Variants in NTN1 observed in about 807,000 individuals in gnomAD.
NTN1 encodes netrin 1.
A neutral mutation model predicts 54.2 loss-of-function variants in NTN1; 11 were observed. The ratio of observed to expected loss-of-function variants is 0.20; its 90% CI spans 0.13 to 0.34. The LOEUF (loss-of-function observed/expected upper bound fraction) is 0.34, where lower values mean the gene tolerates loss of function less well. Ranked by LOEUF, NTN1 falls within the 10% of genes least tolerant of loss-of-function variation. The pLI, the probability that NTN1 is intolerant of heterozygous loss-of-function variation, is 1.00. For missense variants in NTN1, 740 were observed against 893.1 expected, an observed-to-expected ratio of 0.83 and a Z score of 2.18; for synonymous variants, 371 against 382.0, an observed-to-expected ratio of 0.97 and a Z score of 0.33.
chr17:9,048,962 G>T (rs772462343), intron 2 of NTN1, among the ~76,000 whole-genome samples: 2 of 152,130 alleles, frequency 1.3e-5, no homozygotes, highest in Admixed American at 6.6e-5. Flanking sequence ...GGCGGAAAAT[G>T]CTTCTTAAAA....
At chr17:9,114,162 A>ATATATATATATATAT (rs1180136945) in intron 2 of NTN1, among the ~76,000 whole-genome samples, 38 of 84,216 alleles carry the variant, frequency 4.5e-4, no homozygotes, top group Non-Finnish European at 6.8e-4. Flanking sequence ...AGAAAAAAAA[A>ATATATATATATATAT]AAAAATATAT....
chr17:9,233,075 G>A (rs894179447), intron 6 of NTN1, among the ~76,000 whole-genome samples: 8 of 152,054 alleles, frequency 5.3e-5, no homozygotes, highest in Non-Finnish European at 1.0e-4. Flanking sequence ...GCTGTGTAGG[G>A]GAGGGGAGAG....
chr17:9,106,214 C>T (rs539131380), intron 2 of NTN1, among the ~76,000 whole-genome samples: 27 of 152,308 alleles, frequency 1.8e-4, no homozygotes, highest in African/African-American at 5.5e-4. Flanking sequence ...ACTGCCTCAC[C>T]TGCCTTGCGG....
At chr17:9,065,393 T>A (rs1487766534) in intron 2 of NTN1, among the ~76,000 whole-genome samples, 1 of 152,190 alleles carries the variant, frequency 6.6e-6, no homozygotes, top group Admixed American at 6.5e-5. Flanking sequence ...TTCTTCCCAC[T>A]CTTCTGTCTG....
intron 2 of NTN1, among the ~76,000 whole-genome samples, chr17:9,127,071 C>CGGGGGGGGGGG (rs5819215): frequency 1.2e-5 from 1 of 81,894 alleles, no homozygotes; most frequent in Non-Finnish European, 2.5e-5. Flanking sequence ...GTGGTAGGGC[C>CGGGGGGGGGGG]GGGGGGGGGC....
At position 9,240,502 on chromosome 17, in the gene NTN1, C is replaced by T. The variant is rs762323875; in HGVS notation, c.*534C>T. On this transcript the variant is annotated 3_prime_UTR_variant, in exon 7 of 7. Transcript: ENST00000173229. The stretch of plus-strand genomic sequence containing the variant: ...CGGGATCCCCCCCTTTCTCCCCGGC[C>T]CCTTCTAGCAGTTCCCCGCGGGCCA... 6.6e-6 allele frequency: 1 copy of T among 152,364 alleles called. No individual in the cohort carries two copies. Among genetic ancestry groups the T allele is most frequent in the Non-Finnish European group, 1.5e-5 (1 of 68,138 alleles). 9.4% of individuals were successfully genotyped at this position (152,364 alleles called of 1,614,324 possible).
At chr17:9,084,521 G>T (rs1444366230) in intron 2 of NTN1, among the ~76,000 whole-genome samples, 13 of 152,106 alleles carry the variant, frequency 8.5e-5, no homozygotes, top group Admixed American at 8.5e-4. Context: ...TTTCCATCTG[G>T]GGGGCAACAC....
intron 2 of NTN1, among the ~76,000 whole-genome samples, chr17:9,132,371 A>C (rs2092268458): frequency 6.6e-6 from 1 of 152,108 alleles, no homozygotes; most frequent in Non-Finnish European, 1.5e-5. Flanking sequence ...TATGCATCTC[A>C]CACTAGCTTT....
At chr17:9,070,235 G>A (rs10852910) in intron 2 of NTN1, among the ~76,000 whole-genome samples, 33,755 of 152,112 alleles carry the variant, frequency 0.22, 4,754 homozygotes, top group East Asian at 0.45. Flanking sequence ...TGTTAAATGA[G>A]TTAATTCAGG....
chr17:9,052,869 C>T (rs1481213167), intron 2 of NTN1, among the ~76,000 whole-genome samples: 2 of 152,234 alleles, frequency 1.3e-5, no homozygotes, highest in South Asian at 2.1e-4. Context: ...ACAGAGCCCC[C>T]GGGCAGAGGG....
intron 2 of NTN1, among the ~76,000 whole-genome samples, chr17:9,152,720 C>T (rs1441728717): frequency 6.6e-6 from 1 of 152,230 alleles, no homozygotes; most frequent in Admixed American, 6.5e-5. Context: ...CCCTACCCTG[C>T]AGGAGTTTGG....
chr17:9,045,810 T>C (rs2091939802), intron 2 of NTN1, among the ~76,000 whole-genome samples: 1 of 152,014 alleles, frequency 6.6e-6, no homozygotes, highest in African/African-American at 2.4e-5. Context: ...TCTGGAAAGA[T>C]TGGTCAAGAA....
At chr17:9,146,731 C>T (rs1050625955) in intron 2 of NTN1, among the ~76,000 whole-genome samples, 4 of 152,158 alleles carry the variant, frequency 2.6e-5, no homozygotes, top group African/African-American at 9.7e-5. Flanking sequence ...GCTATTGGCT[C>T]TCAAAACAAT....
intron 2 of NTN1, among the ~76,000 whole-genome samples, chr17:9,118,857 T>C (rs2092223441): frequency 6.6e-6 from 1 of 152,384 alleles, no homozygotes; most frequent in African/African-American, 2.4e-5. Context: ...CTGAGTAATA[T>C]TCCATTGTAG....
At position 9,047,840 on chromosome 17, in the gene NTN1, G is replaced by A. The variant is rs1017641774; in HGVS notation, c.1018+24449G>A. On this transcript the variant is annotated intron_variant, in intron 2 of 6. Transcript: ENST00000173229. ...CTCCCAAGTAGCTGGGATTACAGGC[G>A]ACTGCCACCACGCCTGGCTAATTTT... Among the ~76,000 whole-genome samples the A allele has an allele frequency of 5.3e-5, 8 of 151,946 alleles. 1 individual carries two copies. Among genetic ancestry groups the A allele is most frequent in the South Asian group, 4.2e-4 (2 of 4,806 alleles).
intron 2 of NTN1, among the ~76,000 whole-genome samples, chr17:9,044,620 G>A (rs1437181857): frequency 2.0e-5 from 3 of 152,052 alleles, no homozygotes; most frequent in Non-Finnish European, 2.9e-5. Context: ...TCAGTGTTCC[G>A]CAGGAATTGA....
chr17:9,089,197 G>T, intron 2 of NTN1, among the ~76,000 whole-genome samples: 1 of 152,250 alleles, frequency 6.6e-6, no homozygotes, highest in Middle Eastern at 3.4e-3. Flanking sequence ...TGGATCACCC[G>T]AGTTCAGGAG....
intron 2 of NTN1, among the ~76,000 whole-genome samples, chr17:9,033,110 C>T (rs556521744): frequency 6.6e-6 from 1 of 151,996 alleles, no homozygotes; most frequent in Non-Finnish European, 1.5e-5. Flanking sequence ...CCCACCATCA[C>T]GCCCAGCTAG....
At chr17:9,028,462 C>T (rs979847961) in intron 2 of NTN1, among the ~76,000 whole-genome samples, 1 of 152,172 alleles carries the variant, frequency 6.6e-6, no homozygotes, top group African/African-American at 2.4e-5. Context: ...TCAGGGGAAA[C>T]CTTCTGGGGT....
Sources: gnomAD v4.1 joint callset for allele counts (sites outside exome capture counted in the v4.1 genomes callset) on GRCh38, gnomAD v4.1.1 for gene constraint, MANE v1.5 for transcripts, NCBI Gene and HGNC (gene_info 2026-07-23, HGNC 2026-07-21) for gene names.